CSGALNACT2: variants seen among roughly 807,000 people sequenced by gnomAD.
CSGALNACT2 encodes the protein chondroitin sulfate N-acetylgalactosaminyltransferase 2.
Under a neutral mutation model 55.3 loss-of-function variants are expected in CSGALNACT2, and 35 were observed. The ratio of observed to expected loss-of-function variants is 0.63; its 90% CI spans 0.48 to 0.84. The LOEUF is 0.84. CSGALNACT2 is among the 40% of genes least tolerant of loss of function. The probability of loss-of-function intolerance (pLI) is 0.00; values close to 1 mark genes in which losing one functional copy is unlikely to be tolerated. For synonymous variants in CSGALNACT2, 196 were observed against 224.9 expected (o/e 0.87, Z 1.15); for missense variants, 544 against 657.5 (o/e 0.83, Z 1.89).
chr10:43,169,142 T>C (rs765307968), intron 6 of CSGALNACT2, among the ~76,000 whole-genome samples: 1 of 152,202 alleles, frequency 6.6e-6, no homozygotes, highest in South Asian at 2.1e-4. Flanking sequence ...GCCCCTAGAC[T>C]ACAAAAGTGA....
chr10:43,167,463 G>A (rs1839291913), intron 6 of CSGALNACT2, among the ~76,000 whole-genome samples: 2 of 152,070 alleles, frequency 1.3e-5, no homozygotes, highest in Non-Finnish European at 2.9e-5. Flanking sequence ...CTAAATAAGA[G>A]GGAATAGTAT....
At chr10:43,139,561 T>C (rs1286650569) in intron 1 of CSGALNACT2, among the ~76,000 whole-genome samples, 1 of 152,264 alleles carries the variant, frequency 6.6e-6, no homozygotes, top group African/African-American at 2.4e-5. Context: ...GCTCAATGAA[T>C]TTTTACATAC....
intron 5 of CSGALNACT2, 83 bp downstream of exon 5, chr10:43,164,127 G>A: frequency 8.4e-7 from 1 of 1,187,526 alleles, no homozygotes; most frequent in Non-Finnish European, 1.2e-6. Context: ...AAGTGATTTT[G>A]AGGGAGAAGT....
intron 7 of CSGALNACT2, among the ~76,000 whole-genome samples, chr10:43,182,027 G>C (rs1443050685): frequency 6.7e-6 from 1 of 148,292 alleles, no homozygotes; most frequent in Non-Finnish European, 1.5e-5. Flanking sequence ...AATTATAAAA[G>C]TATTAATTTG....
intron 1 of CSGALNACT2, among the ~76,000 whole-genome samples, chr10:43,144,218 A>T (rs1002067095): frequency 6.6e-6 from 1 of 152,220 alleles, no homozygotes; most frequent in South Asian, 2.1e-4. Context: ...AGGGCAGTAG[A>T]TTAGTCTTCC....
At chr10:43,145,654 C>T (rs1838731717) in intron 1 of CSGALNACT2, among the ~76,000 whole-genome samples, 1 of 152,092 alleles carries the variant, frequency 6.6e-6, no homozygotes, top group South Asian at 2.1e-4. Context: ...TCAAGTGATC[C>T]TCCTGCTTCA....
intron 7 of CSGALNACT2, among the ~76,000 whole-genome samples, chr10:43,179,967 TTCC>T (rs1169383375): frequency 6.6e-6 from 1 of 152,244 alleles, no homozygotes; most frequent in Non-Finnish European, 1.5e-5. Flanking sequence ...TCTTATGGAC[TTCC>T]TCTCCCCCGG....
At chr10:43,146,360 A>G (rs1303567696) in intron 1 of CSGALNACT2, among the ~76,000 whole-genome samples, 1 of 152,242 alleles carries the variant, frequency 6.6e-6, no homozygotes, top group Admixed American at 6.5e-5. Context: ...GATGAAGTCC[A>G]TAAGACTCAG....
At chr10:43,145,603 C>G (rs1359937992) in intron 1 of CSGALNACT2, among the ~76,000 whole-genome samples, 2 of 151,914 alleles carry the variant, frequency 1.3e-5, no homozygotes, top group African/African-American at 4.8e-5. Flanking sequence ...GAGGCAAGGT[C>G]TCGCTAGCTA....
At position 43,165,261 on chromosome 10, in the gene CSGALNACT2, G is replaced by A. The variant is rs1028527259; in HGVS notation, c.1159+1217G>A. ...GTATTAAAGAATCTCAACAGGATGA[G>A]TAAGTTGAGGAAATCTGTTATACAA... On this transcript the variant is annotated intron_variant, in intron 5 of 7. Coordinates refer to ENST00000374466, the MANE Select transcript of CSGALNACT2 (RefSeq NM_018590.5). Among the ~76,000 whole-genome samples, 3 of 152,032 alleles carry A rather than the reference G, an allele frequency of 2.0e-5. No individual in the cohort carries two copies. In the East Asian group the frequency reaches 5.8e-4, roughly 29 times the overall value.
At chr10:43,165,902 A>G (rs1032414691) in intron 5 of CSGALNACT2, among the ~76,000 whole-genome samples, 4 of 152,130 alleles carry the variant, frequency 2.6e-5, no homozygotes, top group African/African-American at 9.7e-5. Flanking sequence ...GAATTGCTTG[A>G]ACCTGGGAGA....
chr10:43,164,151 C>G (rs1394139123), intron 5 of CSGALNACT2, 107 bp downstream of exon 5: 6 of 904,914 alleles, frequency 6.6e-6, no homozygotes, highest in Non-Finnish European at 9.7e-6. Flanking sequence ...AGTTAAACCC[C>G]AGTATTTTTT....
intron 3 of CSGALNACT2, among the ~76,000 whole-genome samples, chr10:43,159,291 CTT>C (rs1347032433): frequency 6.6e-6 from 1 of 151,632 alleles, no homozygotes; most frequent in Admixed American, 6.6e-5. Context: ...TATCATGACT[CTT>C]TTTTTATTTT....
chr10:43,176,464 C>A (rs559877446), intron 7 of CSGALNACT2, among the ~76,000 whole-genome samples: 1 of 152,156 alleles, frequency 6.6e-6, no homozygotes. Context: ...TGAACTGTTA[C>A]ACAAAATCCC....
intron 4 of CSGALNACT2, among the ~76,000 whole-genome samples, chr10:43,161,225 C>T (rs1223206278): frequency 6.6e-6 from 1 of 152,240 alleles, no homozygotes; most frequent in Non-Finnish European, 1.5e-5. Context: ...AAGATAACGA[C>T]TTAACTGCCA....
At chr10:43,165,806 A>G (rs1463446091) in intron 5 of CSGALNACT2, among the ~76,000 whole-genome samples, 2 of 152,152 alleles carry the variant, frequency 1.3e-5, no homozygotes, top group Admixed American at 6.5e-5. Context: ...CCTGGCCAAC[A>G]TGGTGAAACC....
At chr10:43,166,953 C>A in intron 5 of CSGALNACT2, 51 bp from the exon 6 acceptor site, 1 of 1,086,216 alleles carries the variant, frequency 9.2e-7, no homozygotes, top group Non-Finnish European at 1.4e-6. Flanking sequence ...CAATAAAGAA[C>A]AGTTCTTCAT....
chr10:43,183,108 T>TCCTCCATGCCAGGTGTC, intron 7 of CSGALNACT2, 142 bp from the exon 8 acceptor site: 1 of 669,164 alleles, frequency 1.5e-6, no homozygotes, highest in Non-Finnish European at 2.6e-6. Context: ...TGGGAGTCAC[T>TCCTCCATGCCAGGTGTC]CCTCCATGCC....
intron 1 of CSGALNACT2, among the ~76,000 whole-genome samples, chr10:43,153,205 G>T (rs1250960427): frequency 6.6e-6 from 1 of 151,858 alleles, no homozygotes; most frequent in African/African-American, 2.4e-5. Flanking sequence ...CGTGGTGGCC[G>T]GCGCTTGTAG....
Sources: allele counts gnomAD v4.1 joint callset (sites outside exome capture counted in the v4.1 genomes callset), GRCh38; gene constraint gnomAD v4.1.1; transcripts MANE v1.5; gene names NCBI Gene and HGNC (gene_info 2026-07-23, HGNC 2026-07-21).